Variants in TMEM214 observed in about 807,000 individuals in gnomAD.
TMEM214 encodes transmembrane protein 214.
Under a neutral mutation model 89.8 loss-of-function variants are expected in TMEM214, and 71 were observed. The observed-to-expected ratio is 0.79, with a 90% CI of 0.65 to 0.96. The LOEUF is 0.96. Among genes scored for constraint, TMEM214 ranks in the 40% least tolerant of loss-of-function variants. The probability of loss-of-function intolerance (pLI) is 0.00; values close to 1 mark genes in which losing one functional copy is unlikely to be tolerated. For missense variants in TMEM214, 754 were observed against 843.4 expected, an observed-to-expected ratio of 0.89 and a Z score of 1.31; for synonymous variants, 332 against 349.5, an observed-to-expected ratio of 0.95 and a Z score of 0.56.
chr2:27,037,232 C>T (rs1244126480), intron 8 of TMEM214, 54 bp downstream of exon 8: 2 of 1,363,476 alleles, frequency 1.5e-6, no homozygotes, highest in Non-Finnish European at 2.1e-6. Context: ...ACCAGAACCA[C>T]ACTACATATT....
Position 27,033,086 on chromosome 2 carries a change from C to T in TMEM214, c.71C>T (p.Ala24Val). ...AAGGGTCGGCGGCCTGGGGTCGGCG[C>T]CGGCGCCGGCGGCCGAGGAGGCGGC... ...VKKGRRPGVGAGAGGRGGGRN... is the reference protein window; with the variant it reads ...VKKGRRPGVGVGAGGRGGGRN... The change falls in exon 1 of 17, where the codon GCC becomes GTC. Residue 24 changes from alanine (A) to valine (V), a missense_variant. By Grantham distance (64) the Ala-to-Val change is moderately conservative. Transcript: ENST00000238788. The T allele has an allele frequency of 8.0e-7, 1 of 1,244,094 alleles. No individual in the cohort carries two copies. Among genetic ancestry groups the T allele is most frequent in the Non-Finnish European group, 1.0e-6 (1 of 985,708 alleles). 77.1% of individuals were successfully genotyped at this position (1,244,094 alleles called of 1,614,324 possible).
In TMEM214 at chr2:27,033,024, C is replaced by T. The variant is rs1422482389; in HGVS notation, c.9C>T (p.Thr3=). ...AGGGAGGGCTGCGAGCCATGGCGACCAAGACGGCGGGCGTGGGGCGGTGGG... is the reference window on the plus strand; with the variant it reads ...AGGGAGGGCTGCGAGCCATGGCGACTAAGACGGCGGGCGTGGGGCGGTGGG... MA[T]KTAGVGRWEV... The change falls in exon 1 of 17, where the codon ACC becomes ACT. Residue 3 remains threonine (T), a synonymous_variant. Transcript: ENST00000238788. 28 of 1,247,020 alleles carry T rather than the reference C, an allele frequency of 2.2e-5. 1 individual carries two copies. In the African/African-American group the frequency reaches 2.8e-4, roughly 12 times the overall value. 77.2% of individuals were successfully genotyped at this position (1,247,020 alleles called of 1,614,324 possible).
At position 27,035,275 on chromosome 2, in the gene TMEM214, GCATACT is replaced by G. The variant is rs1411635491; in HGVS notation, c.496_501del (p.Thr166_His167del). 6 of 1,614,128 alleles carry G rather than the reference GCATACT, an allele frequency of 3.7e-6. No homozygotes were observed. The highest frequency in any genetic ancestry group is 5.1e-6 in the Non-Finnish European group (6 of 1,180,060). ...CTCTAAGTGAACCCACGCTGAGCCA[GCATACT>G]CATGGTAAGTCCTTCCAGCTTCCTC... On this transcript the variant is annotated inframe_deletion, in exon 3 of 17. Transcript: ENST00000238788.
At chr2:27,036,365 G>A in intron 5 of TMEM214, 122 bp from the exon 6 acceptor site, 1 of 864,430 alleles carries the variant, frequency 1.2e-6, no homozygotes, top group South Asian at 1.4e-5. Flanking sequence ...TGGCCATAGT[G>A]CTCCACTCTT....
In TMEM214 at chr2:27,040,921, G is replaced by A; in HGVS notation, c.*84G>A. On this transcript the variant is annotated 3_prime_UTR_variant, in exon 17 of 17. Coordinates refer to ENST00000238788, the MANE Select transcript of TMEM214 (RefSeq NM_017727.5). Reference sequence around the variant, plus strand: ...TAGAAGGTGGCAGTTCTTCATGGGAGTCTTTTTAACTTGGTGCCTGAGTTC... The same window carrying A: ...TAGAAGGTGGCAGTTCTTCATGGGAATCTTTTTAACTTGGTGCCTGAGTTC... The A allele has an allele frequency of 1.9e-6, 3 of 1,550,040 alleles. No homozygotes were observed. The highest frequency in any genetic ancestry group is 2.3e-5 in the East Asian group (1 of 44,014).
Position 27,038,870 on chromosome 2 carries a change from C to T in TMEM214, c.1407+55C>T. The T allele has an allele frequency of 6.5e-7, 1 of 1,535,114 alleles. No homozygotes were observed. The highest frequency in any genetic ancestry group is 9.0e-7 in the Non-Finnish European group (1 of 1,112,510). ...ACGCTATCTTACATCTCTGTCTCAG[C>T]ACACCTGGGTTGGGCCTGTATCACA... On this transcript the variant is annotated intron_variant, in intron 12 of 16. Coordinates refer to ENST00000238788, the MANE Select transcript of TMEM214 (RefSeq NM_017727.5). This position sits in a 1 kb window ranked among gnomAD's most constrained non-coding sequence, Gnocchi z 4.4.
rs932848495 is a variant in TMEM214, at chr2:27,035,103, A to G, written c.352-32A>G. ...TTTACTCCCTCACTCACAACTCGCC[A>G]TGGTGGGGGGTTGGGGGATTGTCCC... On this transcript the variant is annotated intron_variant, in intron 2 of 16. Coordinates refer to ENST00000238788, the MANE Select transcript of TMEM214 (RefSeq NM_017727.5). 5 of 1,611,128 alleles carry G rather than the reference A, an allele frequency of 3.1e-6. No individual in the cohort carries two copies. In the Admixed American group the frequency reaches 8.3e-5, roughly 27 times the overall value.
Position 27,038,298 on chromosome 2 carries a change from C to T in TMEM214, c.1244+61C>T. 6.3e-7 allele frequency: 1 copy of T among 1,588,880 alleles called. No homozygotes were observed. Among genetic ancestry groups the T allele is most frequent in the Non-Finnish European group, 8.6e-7 (1 of 1,158,658 alleles). ...AGAAGCAGAAGGGGAGCCTGGGTCACTGTCCCATGGCCTGACACCTTTCAG... is the reference window on the plus strand; with the variant it reads ...AGAAGCAGAAGGGGAGCCTGGGTCATTGTCCCATGGCCTGACACCTTTCAG... On this transcript the variant is annotated intron_variant, in intron 10 of 16. Transcript: ENST00000238788. The surrounding 1 kb of genome is among the most constrained non-coding windows in gnomAD (Gnocchi z 4.4).
Position 27,039,115 on chromosome 2 carries a change from C to T in TMEM214, c.1476C>T (p.Phe492=), listed in dbSNP as rs371237480. 110 of 1,613,848 alleles carry T rather than the reference C, an allele frequency of 6.8e-5. No homozygotes were observed. The African/African-American group carries it at 8.3e-4, about 12-fold the overall frequency. Residue 492 remains phenylalanine, a synonymous_variant, in exon 13 of 17, where the codon TTC becomes TTT. Coordinates refer to ENST00000238788, the MANE Select transcript of TMEM214 (RefSeq NM_017727.5). ...GGCTCCTCCTGTTGCTGCTGGTCTT[C>T]GCTGTAGGCTTCCTGTGCCATGACC... ...WTRLLLLLLV[F]AVGFLCHDLR...
intron 5 of TMEM214, 46 bp from the exon 6 acceptor site, chr2:27,036,441 G>T (rs369467104): frequency 1.3e-6 from 2 of 1,489,410 alleles, no homozygotes; most frequent in Non-Finnish European, 9.4e-7. Flanking sequence ...GGGTGCTCCT[G>T]GTGTTTTGTC....
chr2:27,035,473 G>C (rs1322000970), intron 3 of TMEM214, 121 bp from the exon 4 acceptor site: 2 of 1,469,798 alleles, frequency 1.4e-6, no homozygotes, highest in Non-Finnish European at 1.8e-6. Context: ...CTCAGAGGAA[G>C]GATCCCAGCC....
At chr2:27,039,658 G>A in intron 13 of TMEM214, 83 bp from the exon 14 acceptor site, 3 of 1,207,854 alleles carry the variant, frequency 2.5e-6, no homozygotes, top group Admixed American at 1.7e-5. Flanking sequence ...GCCTCGCTGT[G>A]CCTGCTCTGG....
At chr2:27,036,348 C>T (rs1667556068) in intron 5 of TMEM214, 139 bp from the exon 6 acceptor site, 1 of 781,332 alleles carries the variant, frequency 1.3e-6, no homozygotes, top group Non-Finnish European at 2.2e-6. Flanking sequence ...ACAGAACCTG[C>T]ACCACGTGGC....
At chr2:27,035,487 G>A in intron 3 of TMEM214, 107 bp from the exon 4 acceptor site, 3 of 1,521,538 alleles carry the variant, frequency 2.0e-6, no homozygotes, top group East Asian at 2.3e-5. Context: ...CCCAGCCTCA[G>A]TGCAGGGGCC....
In TMEM214 at chr2:27,033,070, C is replaced by G. The variant is rs1342017528; in HGVS notation, c.55C>G (p.Arg19Gly). 1 of 1,247,574 alleles carries G rather than the reference C, an allele frequency of 8.0e-7. No individual in the cohort carries two copies. Among genetic ancestry groups the G allele is most frequent in the Non-Finnish European group, 1.0e-6 (1 of 988,046 alleles). The allele number at this position is 1,247,574 out of a possible 1,614,324, so 77.3% of individuals were successfully genotyped here. The stretch of plus-strand genomic sequence containing the variant: ...GTGGGAGGTAGTGAAGAAGGGTCGG[C>G]GGCCTGGGGTCGGCGCCGGCGCCGG... ...GRWEVVKKGR[R>G]PGVGAGAGGR... Residue 19 changes from arginine (R) to glycine (G), a missense_variant, in exon 1 of 17, where the codon CGG becomes GGG. By Grantham distance (125) the Arg-to-Gly change is moderately radical (BLOSUM62 -2). Transcript: ENST00000238788.
intron 1 of TMEM214, 93 bp downstream of exon 1, chr2:27,033,259 A>T: frequency 1.7e-6 from 2 of 1,169,126 alleles, no homozygotes; most frequent in Non-Finnish European, 2.2e-6. Context: ...GCTCGCAGGC[A>T]CATCCCCGAG....
At chr2:27,036,827 C>T (rs778914463) in intron 7 of TMEM214, 41 bp downstream of exon 7, 1 of 1,603,234 alleles carries the variant, frequency 6.2e-7, no homozygotes, top group African/African-American at 1.3e-5. Flanking sequence ...CTCAGGGTGT[C>T]CCAAGTGGCT....
At chr2:27,039,282 A>G in intron 13 of TMEM214, 118 bp downstream of exon 13, 2 of 832,056 alleles carry the variant, frequency 2.4e-6, no homozygotes, top group South Asian at 1.6e-5. Flanking sequence ...TCAATCCTGC[A>G]GAGTAAACAC....
Position 27,040,817 on chromosome 2 carries a change from G to A in TMEM214, c.2050G>A (p.Ala684Thr), listed in dbSNP as rs1314985577. The A allele has an allele frequency of 6.2e-7, 1 of 1,613,818 alleles. No homozygotes were observed. Residue 684 changes from alanine to threonine, a missense_variant, in exon 17 of 17, where the codon GCC becomes ACC. Coordinates refer to ENST00000238788, the MANE Select transcript of TMEM214 (RefSeq NM_017727.5). ...AGTGGCTTTCTTGGACTGGGCACTTGCCCTGATATCCCAGCAGTAGGCCCT... is the reference window on the plus strand; with the variant it reads ...AGTGGCTTTCTTGGACTGGGCACTTACCCTGATATCCCAGCAGTAGGCCCT... ...ITVAFLDWAL[A>T]LISQQ
Sources: gnomAD v4.1 joint callset for allele counts on GRCh38, gnomAD v4.1.1 for gene constraint, Gnocchi (gnomAD v3.1) non-coding constraint, MANE v1.5 for transcripts, NCBI Gene and HGNC (gene_info 2026-07-23, HGNC 2026-07-21) for gene names.